DENND4C: variants seen among roughly 807,000 people sequenced by gnomAD.
DENND4C encodes DENN domain-containing protein 4C.
A neutral mutation model predicts 203.0 loss-of-function variants in DENND4C; 108 were observed. The ratio of observed to expected loss-of-function variants is 0.53; its 90% CI spans 0.46 to 0.62. The LOEUF (loss-of-function observed/expected upper bound fraction) is 0.62, where lower values mean the gene tolerates loss of function less well. Ranked by LOEUF, DENND4C falls within the 20% of genes least tolerant of loss-of-function variation. DENND4C has a pLI of 0.00. For missense variants in DENND4C, 2,481 were observed against 2,301.2 expected, an observed-to-expected ratio of 1.08 and a Z score of -1.60; for synonymous variants, 871 against 792.4, an observed-to-expected ratio of 1.10 and a Z score of -1.67.
intron 9 of DENND4C, among the ~76,000 whole-genome samples, chr9:19,302,342 C>G (rs903891769): frequency 6.6e-6 from 1 of 152,130 alleles, no homozygotes; most frequent in Admixed American, 6.5e-5. Context: ...AAAAGTGACC[C>G]TATAGTGTTG....
intron 4 of DENND4C, among the ~76,000 whole-genome samples, 189 bp from the exon 5 acceptor site, chr9:19,290,515 A>T (rs1190779124): frequency 6.6e-6 from 1 of 152,238 alleles, no homozygotes; most frequent in Non-Finnish European, 1.5e-5. Context: ...TGAACTGTAA[A>T]TTCATGGGTA....
chr9:19,289,581 C>A (rs919032849), intron 4 of DENND4C, among the ~76,000 whole-genome samples: 4 of 152,140 alleles, frequency 2.6e-5, no homozygotes, highest in Non-Finnish European at 5.9e-5. Context: ...GTAATTCCAG[C>A]ACTTTGGGAG....
chr9:19,337,620 A>G (rs962456069), intron 20 of DENND4C: 1 of 1,284,064 alleles, frequency 7.8e-7, no homozygotes, highest in African/African-American at 1.5e-5. Flanking sequence ...TATGACGTGA[A>G]GCTATGGATA....
rs559279718 is a variant in DENND4C, at chr9:19,276,093, A to G, written c.-17-65A>G. 6.5e-5 allele frequency: 51 copies of G among 779,098 alleles called. No individual in the cohort carries two copies. The East Asian group carries it at 1.2e-3, about 19-fold the overall frequency. The allele number at this position is 779,098 out of a possible 1,614,324, so 48.3% of individuals were successfully genotyped here. A position where few individuals can be genotyped will look rare whatever the true frequency, so the allele number is the denominator to read the frequency against. On this transcript the variant is annotated intron_variant, in intron 1 of 32. Transcript: ENST00000434457. ...CTAGTTGATGATTGTTAACTCAAGG[A>G]TATATTAATTTTTGTCAGGATAAAG...
intron 6 of DENND4C, 132 bp downstream of exon 6, chr9:19,296,378 T>G: frequency 1.5e-6 from 1 of 687,740 alleles, no homozygotes; most frequent in Non-Finnish European, 2.4e-6. Flanking sequence ...TTTTTTTTTT[T>G]TTTTGAGATG....
chr9:19,374,047 A>AT lies in DENND4C; in HGVS notation c.*1875dup. ...AACTCAAGACTTGGTACTAGTTTTA[A>AT]TACTTAACACTTACTGACCCAACAG... On this transcript the variant is annotated 3_prime_UTR_variant, in exon 33 of 33. Transcript: ENST00000434457. 6.6e-6 allele frequency among the ~76,000 whole-genome samples: 1 copy of AT among 152,328 alleles called. No homozygotes were observed. Among genetic ancestry groups the AT allele is most frequent in the East Asian group, 1.9e-4 (1 of 5,192 alleles).
chr9:19,335,999 G>A (rs1820379131), intron 18 of DENND4C, among the ~76,000 whole-genome samples: 1 of 151,738 alleles, frequency 6.6e-6, no homozygotes, highest in African/African-American at 2.4e-5. Context: ...ACTGTGTAGG[G>A]GTTCTTTTGT....
chr9:19,371,539 C>T (rs994098849), intron 31 of DENND4C: 2 of 308,928 alleles, frequency 6.5e-6, no homozygotes, highest in Non-Finnish European at 5.9e-6. Context: ...CAGGAAGTTA[C>T]AAAAATAGTA....
At chr9:19,287,919 A>G (rs1835535609) in intron 3 of DENND4C, among the ~76,000 whole-genome samples, 1 of 152,074 alleles carries the variant, frequency 6.6e-6, no homozygotes, top group Non-Finnish European at 1.5e-5. Flanking sequence ...TTTAGTAGAG[A>G]TGAGGTTTCA....
rs554024224 is a variant in DENND4C, at chr9:19,254,179, GT to G, written c.-17-21977del. Among the ~76,000 whole-genome samples the G allele has an allele frequency of 1.2e-3, 180 of 152,240 alleles. 5 individuals carry two copies. Among genetic ancestry groups the G allele is most frequent in the Admixed American group, 0.01 (156 of 15,282 alleles). Reference sequence around the variant, plus strand: ...AGCCATTATGGAGCACAATATGGAGGTTCTTCTCAAAATTAAAAATAGAACT... The same window carrying G: ...AGCCATTATGGAGCACAATATGGAGGTCTTCTCAAAATTAAAAATAGAACT... On this transcript the variant is annotated intron_variant, in intron 1 of 32. Transcript: ENST00000434457.
intron 1 of DENND4C, among the ~76,000 whole-genome samples, chr9:19,238,774 C>G (rs1203601802): frequency 6.7e-6 from 1 of 148,182 alleles, no homozygotes; most frequent in Admixed American, 6.8e-5. Flanking sequence ...CTGCCTCAGC[C>G]TCCTAAGTAG....
intron 9 of DENND4C, among the ~76,000 whole-genome samples, chr9:19,303,411 G>T (rs1839001252): frequency 6.6e-6 from 1 of 152,136 alleles, no homozygotes; most frequent in Non-Finnish European, 1.5e-5. Context: ...TGGAACACAG[G>T]CCATTTATTC....
At chr9:19,265,430 T>A (rs1830288557) in intron 1 of DENND4C, among the ~76,000 whole-genome samples, 1 of 114,766 alleles carries the variant, frequency 8.7e-6, no homozygotes, top group South Asian at 3.4e-4. Context: ...GTTACTGATT[T>A]CTTTTTTATT....
Position 19,286,822 on chromosome 9 carries a change from C to T in DENND4C, c.359C>T (p.Ala120Val), listed in dbSNP as rs1397540244. The T allele has an allele frequency of 8.1e-7, 1 of 1,232,072 alleles. No individual in the cohort carries two copies. The highest frequency in any genetic ancestry group is 1.0e-6 in the Non-Finnish European group (1 of 987,936). 76.3% of individuals were successfully genotyped at this position (1,232,072 alleles called of 1,614,324 possible). A position where few individuals can be genotyped will look rare whatever the true frequency, so the allele number is the denominator to read the frequency against. The change falls in exon 3 of 33, where the codon GCC becomes GTC. Residue 120 changes from alanine (A) to valine (V), a missense_variant. Ala to Val is a moderately conservative substitution (Grantham distance 64, BLOSUM62 0). This residue lies in a region of DENND4C where 187 missense variants were observed against 167.4 expected (regional missense o/e 1.12). Coordinates refer to ENST00000434457, the MANE Select transcript of DENND4C (RefSeq NM_001330640.2). ...RLIPGCEVIL[A>V]TPYGRCANVN... Reference sequence around the variant, plus strand: ...ATTCCAGGATGTGAAGTGATCCTAGCCACACCCTATGGTCGCTGTGCCAAT... The same window carrying T: ...ATTCCAGGATGTGAAGTGATCCTAGTCACACCCTATGGTCGCTGTGCCAAT...
chr9:19,234,781 ATCCACCCATC>A (rs1224208407), intron 1 of DENND4C, among the ~76,000 whole-genome samples: 1 of 151,536 alleles, frequency 6.6e-6, no homozygotes, highest in Non-Finnish European at 1.5e-5. Flanking sequence ...AGTTCAAGCG[ATCCACCCATC>A]TCAGCCTCCC....
intron 9 of DENND4C, among the ~76,000 whole-genome samples, chr9:19,305,110 C>A (rs1839408641): frequency 6.6e-6 from 1 of 151,918 alleles, no homozygotes. Flanking sequence ...AATTAACATG[C>A]AAAAAGCTGT....
intron 1 of DENND4C, among the ~76,000 whole-genome samples, chr9:19,271,695 C>T (rs889790770): frequency 2.6e-5 from 4 of 151,546 alleles, no homozygotes; most frequent in African/African-American, 4.9e-5. Context: ...GGAGAAACCC[C>T]GTCTCTACTA....
intron 1 of DENND4C, among the ~76,000 whole-genome samples, chr9:19,257,606 G>T (rs961105540): frequency 6.6e-6 from 1 of 152,084 alleles, no homozygotes; most frequent in East Asian, 1.9e-4. Flanking sequence ...AAAAATCAAT[G>T]AAACCAAATG....
At chr9:19,266,794 A>T (rs1031792467) in intron 1 of DENND4C, among the ~76,000 whole-genome samples, 4 of 152,200 alleles carry the variant, frequency 2.6e-5, no homozygotes, top group Admixed American at 2.0e-4. Context: ...CTGAAACTGG[A>T]TCCCTTCCTT....
Sources: allele counts gnomAD v4.1 joint callset (sites outside exome capture counted in the v4.1 genomes callset), GRCh38; gene constraint gnomAD v4.1.1; regional missense constraint gnomAD v4.1.1; transcripts MANE v1.5; gene names NCBI Gene and HGNC (gene_info 2026-07-23, HGNC 2026-07-21).